Variants in CADM1 observed in about 807,000 individuals in gnomAD.
The protein encoded by CADM1 is TSLC-1.
CADM1 carries 15 observed loss-of-function variants against 53.1 expected under a neutral mutation model. That is an observed-to-expected ratio of 0.28 (90% CI 0.19 to 0.44). The LOEUF is 0.44. CADM1 is among the 20% of genes least tolerant of loss of function. The pLI is 1.00. For synonymous variants in CADM1, 281 were observed against 243.0 expected (o/e 1.16, Z -1.45); for missense variants, 434 against 611.3 (o/e 0.71, Z 3.06).
At chr11:115,281,865 GA>G (rs905467215) in intron 1 of CADM1, among the ~76,000 whole-genome samples, 13 of 146,668 alleles carry the variant, frequency 8.9e-5, no homozygotes, top group South Asian at 2.2e-4. Context: ...ATGGCTAACT[GA>G]AAAAAAAAAG....
chr11:115,272,526 T>G (rs2135051667), intron 1 of CADM1, among the ~76,000 whole-genome samples: 1 of 152,286 alleles, frequency 6.6e-6, no homozygotes, highest in East Asian at 1.9e-4. Flanking sequence ...AACAAACTTT[T>G]AACTCTCCAG....
At chr11:115,250,704 G>A (rs1942574781) in intron 1 of CADM1, among the ~76,000 whole-genome samples, 1 of 152,116 alleles carries the variant, frequency 6.6e-6, no homozygotes, top group South Asian at 2.1e-4. Flanking sequence ...TCTATGCAAG[G>A]CGCTATGCTT....
chr11:115,216,916 A>G (rs1211727647), intron 6 of CADM1, among the ~76,000 whole-genome samples: 1 of 152,176 alleles, frequency 6.6e-6, no homozygotes, highest in Non-Finnish European at 1.5e-5. Flanking sequence ...CTTTATATGA[A>G]AACTGTGATG....
intron 11 of CADM1, among the ~76,000 whole-genome samples, chr11:115,177,281 T>C (rs1159117245): frequency 6.6e-6 from 1 of 152,156 alleles, no homozygotes; most frequent in Non-Finnish European, 1.5e-5. Context: ...GATTCATGGA[T>C]TTGCTAATTG....
At chr11:115,500,008 C>A (rs1210306164) in intron 1 of CADM1, among the ~76,000 whole-genome samples, 1 of 151,930 alleles carries the variant, frequency 6.6e-6, no homozygotes, top group Non-Finnish European at 1.5e-5. Flanking sequence ...CACACTGATA[C>A]CATTAGGTGC....
intron 1 of CADM1, among the ~76,000 whole-genome samples, chr11:115,492,845 A>T (rs1338948312): frequency 1.3e-5 from 2 of 152,104 alleles, no homozygotes; most frequent in African/African-American, 2.4e-5. Flanking sequence ...AAATACACTC[A>T]CACAGTTGAC....
intron 1 of CADM1, among the ~76,000 whole-genome samples, chr11:115,397,811 G>C (rs962571322): frequency 1.3e-5 from 2 of 152,132 alleles, no homozygotes; most frequent in African/African-American, 4.8e-5. Flanking sequence ...TTAACAAAAT[G>C]GTGGATAAAA....
rs1946643987 is a variant in CADM1, at chr11:115,384,190, C to T, written c.124+120081G>A. ...ATATTGAACAGATAATTGGATTTAT[C>T]CCCTTCAGTGCTTTATGGATGTACA... On this transcript the variant is annotated intron_variant, in intron 1 of 11. Transcript: ENST00000331581. 1.3e-5 allele frequency among the ~76,000 whole-genome samples: 2 copies of T among 152,230 alleles called. 1 individual carries two copies. Among genetic ancestry groups the T allele is most frequent in the African/African-American group, 4.8e-5 (2 of 41,532 alleles).
intron 1 of CADM1, chr11:115,396,722 G>A (rs1947007590): frequency 6.6e-6 from 1 of 152,206 alleles, no homozygotes; most frequent in African/African-American, 2.4e-5. Flanking sequence ...TTAAGACTTG[G>A]CTGCAAAGCC....
At chr11:115,500,833 T>C (rs1056367593) in intron 1 of CADM1, among the ~76,000 whole-genome samples, 3 of 152,142 alleles carry the variant, frequency 2.0e-5, no homozygotes, top group African/African-American at 7.2e-5. Context: ...CCTTCTGGGA[T>C]TTTAGAGAGT....
intron 1 of CADM1, among the ~76,000 whole-genome samples, chr11:115,315,117 T>A (rs1260204178): frequency 3.9e-5 from 6 of 152,108 alleles, no homozygotes; most frequent in Non-Finnish European, 8.8e-5. Context: ...GTCAGAAATG[T>A]CCTTTGTGAC....
At chr11:115,277,461 G>C (rs1245992935) in intron 1 of CADM1, among the ~76,000 whole-genome samples, 2 of 152,156 alleles carry the variant, frequency 1.3e-5, no homozygotes, top group African/African-American at 4.8e-5. Context: ...CAAAATTAAA[G>C]CAGATCTTAA....
At chr11:115,200,599 G>A (rs764403982) in intron 8 of CADM1, among the ~76,000 whole-genome samples, 5 of 152,252 alleles carry the variant, frequency 3.3e-5, no homozygotes, top group Admixed American at 2.6e-4. Flanking sequence ...GCATTCAAGC[G>A]ATTCTCCTGC....
chr11:115,191,094 T>C, intron 9 of CADM1, 153 bp from the exon 10 acceptor site: 1 of 641,984 alleles, frequency 1.6e-6, no homozygotes, highest in Non-Finnish European at 2.7e-6. Context: ...CATAAGTACA[T>C]TTCTTCAATT....
chr11:115,370,745 A>G (rs772126341), intron 1 of CADM1, among the ~76,000 whole-genome samples: 2 of 152,178 alleles, frequency 1.3e-5, no homozygotes, highest in Non-Finnish European at 2.9e-5. Context: ...CTATCTGTAC[A>G]GAGGAATACA....
intron 1 of CADM1, among the ~76,000 whole-genome samples, chr11:115,442,238 TA>T (rs1948331517): frequency 1.3e-5 from 2 of 151,562 alleles, no homozygotes; most frequent in Admixed American, 1.3e-4. Flanking sequence ...CAGAGAATAA[TA>T]AATACAATCA....
At chr11:115,392,581 A>G (rs552151643) in intron 1 of CADM1, among the ~76,000 whole-genome samples, 2 of 152,310 alleles carry the variant, frequency 1.3e-5, no homozygotes, top group African/African-American at 2.4e-5. Flanking sequence ...CTTTTGGAGG[A>G]AAACAACCTC....
rs574617061 is a variant in CADM1 at position 115,174,128 on chromosome 11, C to T, written c.*2346G>A. On this transcript the variant is annotated 3_prime_UTR_variant, in exon 12 of 12. Coordinates refer to ENST00000331581, the MANE Select transcript of CADM1 (RefSeq NM_001301043.2). ...TCTACCTGAGACGGAAAACACCAATCGCAACACATGAACCTGAGACATGTC... is the reference window on the plus strand; with the variant it reads ...TCTACCTGAGACGGAAAACACCAATTGCAACACATGAACCTGAGACATGTC... 8.5e-4 allele frequency: 842 copies of T among 985,294 alleles called. No individual in the cohort carries two copies. The highest frequency in any genetic ancestry group is 9.6e-4 in the Non-Finnish European group (795 of 829,870). The allele number at this position is 985,294 out of a possible 1,614,324, so 61.0% of individuals were successfully genotyped here. A position where few individuals can be genotyped will look rare whatever the true frequency, so the allele number is the denominator to read the frequency against.
chr11:115,318,612 T>C (rs954373634), intron 1 of CADM1, among the ~76,000 whole-genome samples: 1 of 152,170 alleles, frequency 6.6e-6, no homozygotes, highest in Non-Finnish European at 1.5e-5. Flanking sequence ...GGAGTTTGGA[T>C]GTGATCTTGT....
Sources: allele counts gnomAD v4.1 joint callset (sites outside exome capture counted in the v4.1 genomes callset), GRCh38; gene constraint gnomAD v4.1.1; transcripts MANE v1.5; gene names NCBI Gene and HGNC (gene_info 2026-07-23, HGNC 2026-07-21).